Variants in ZBTB20 observed in about 807,000 individuals in gnomAD.
The protein encoded by ZBTB20 is zinc finger and BTB domain containing 20, also known as zinc finger and BTB domain-containing protein 20.
In ZBTB20, 9 loss-of-function variants were observed where a neutral mutation model predicts 56.9. The observed-to-expected ratio is 0.16, with a 90% CI of 0.10 to 0.28. ZBTB20 has a LOEUF of 0.28. Ranked by LOEUF, ZBTB20 falls within the 10% of genes least tolerant of loss-of-function variation. The probability of loss-of-function intolerance (pLI) is 1.00; values close to 1 mark genes in which losing one functional copy is unlikely to be tolerated. For synonymous variants in ZBTB20, 417 were observed against 420.7 expected (o/e 0.99, Z 0.11); for missense variants, 655 against 1,003.0 (o/e 0.65, Z 4.69).
Position 114,680,748 on chromosome 3 carries a change from C to G in ZBTB20, c.-295+12780G>C, listed in dbSNP as rs755490907. ...GAGAAATCTATTGTTTGACAATGATCGTTACTGAATCAAAAAACAGTGGGG... is the reference window on the plus strand; with the variant it reads ...GAGAAATCTATTGTTTGACAATGATGGTTACTGAATCAAAAAACAGTGGGG... On this transcript the variant is annotated intron_variant, in intron 6 of 11. Transcript: ENST00000675478. 2.6e-5 allele frequency among the ~76,000 whole-genome samples: 4 copies of G among 152,084 alleles called. No homozygotes were observed. In the East Asian group the frequency reaches 7.7e-4, roughly 29 times the overall value.
intron 5 of ZBTB20, among the ~76,000 whole-genome samples, chr3:114,794,940 T>C (rs1300564684): frequency 6.6e-6 from 1 of 152,008 alleles, no homozygotes; most frequent in East Asian, 1.9e-4. Context: ...GTTTAACAGA[T>C]AAAAAATACA....
intron 6 of ZBTB20, among the ~76,000 whole-genome samples, chr3:114,592,502 G>A (rs2055873907): frequency 6.6e-6 from 1 of 152,142 alleles, no homozygotes; most frequent in African/African-American, 2.4e-5. Context: ...CAAATAGTGA[G>A]TTTCCTTTTG....
At position 114,867,524 on chromosome 3, in the gene ZBTB20, C is replaced by T. The variant is rs141590701; in HGVS notation, c.-417+32780G>A. ...AATCTCGTCTCATTGCAACCTCCAC[C>T]TCCCAGATTCCAGCGATTCTCATGA... On this transcript the variant is annotated intron_variant, in intron 4 of 11. Coordinates refer to ENST00000675478, the MANE Select transcript of ZBTB20 (RefSeq NM_001348800.3). Among the ~76,000 whole-genome samples the T allele has an allele frequency of 3.9e-3, 594 of 152,288 alleles. 4 individuals carry two copies. Among genetic ancestry groups the T allele is most frequent in the African/African-American group, 0.011 (472 of 41,568 alleles).
At chr3:114,826,999 G>C (rs141446654) in intron 4 of ZBTB20, among the ~76,000 whole-genome samples, 1,749 of 151,708 alleles carry the variant, frequency 0.012, 16 homozygotes, top group South Asian at 0.042. Context: ...ATTTAGGTGC[G>C]TAAGGGTTTT....
chr3:114,666,687 C>A (rs1258544769), intron 6 of ZBTB20, among the ~76,000 whole-genome samples: 1 of 151,960 alleles, frequency 6.6e-6, no homozygotes, highest in Non-Finnish European at 1.5e-5. Flanking sequence ...AGAGAGGAAG[C>A]ATTTTTCTTT....
chr3:114,597,960 T>C (rs992028245), intron 6 of ZBTB20, among the ~76,000 whole-genome samples: 1 of 152,174 alleles, frequency 6.6e-6, no homozygotes, highest in Non-Finnish European at 1.5e-5. Flanking sequence ...TAAAGGCTTT[T>C]ATTTTGAAGA....
At chr3:115,076,771 C>A (rs2082612060) in intron 1 of ZBTB20, among the ~76,000 whole-genome samples, 2 of 152,118 alleles carry the variant, frequency 1.3e-5, no homozygotes, top group African/African-American at 4.8e-5. Flanking sequence ...TATCTACAAA[C>A]CTTATATCTC....
chr3:114,352,007 G>T, intron 10 of ZBTB20, 129 bp from the exon 11 acceptor site: 2 of 1,187,502 alleles, frequency 1.7e-6, no homozygotes, highest in Non-Finnish European at 1.2e-6. Context: ...TACGCAAGTG[G>T]GGAGATGGAC....
At chr3:114,635,987 T>A (rs2059245941) in intron 6 of ZBTB20, among the ~76,000 whole-genome samples, 2 of 152,066 alleles carry the variant, frequency 1.3e-5, no homozygotes, top group African/African-American at 4.8e-5. Flanking sequence ...CCCATTATAA[T>A]CCAATTGTCA....
At chr3:115,053,619 A>G (rs142244086) in intron 2 of ZBTB20, among the ~76,000 whole-genome samples, 23 of 152,270 alleles carry the variant, frequency 1.5e-4, no homozygotes, top group Admixed American at 4.6e-4. Context: ...GTGTATATTA[A>G]CTCACATTTA....
intron 7 of ZBTB20, among the ~76,000 whole-genome samples, chr3:114,440,848 A>G (rs1032713154): frequency 1.4e-4 from 21 of 152,182 alleles, no homozygotes; most frequent in African/African-American, 5.1e-4. Flanking sequence ...GACAAAAGCC[A>G]GAGCTTTCTG....
chr3:114,531,524 A>C (rs1167378250), intron 6 of ZBTB20, among the ~76,000 whole-genome samples: 3 of 152,232 alleles, frequency 2.0e-5, no homozygotes, highest in Non-Finnish European at 4.4e-5. Context: ...TATCAGCCTG[A>C]AGAGAACCAG....
In ZBTB20 at chr3:114,351,456, C is replaced by T; in HGVS notation, c.622G>A (p.Gly208Ser). 1 of 1,613,758 alleles carries T rather than the reference C, an allele frequency of 6.2e-7. No individual in the cohort carries two copies. The highest frequency in any genetic ancestry group is 8.5e-7 in the Non-Finnish European group (1 of 1,180,006). The part of the protein sequence containing the change: ...GDVFPGIQDS[G>S]QDTPRGTPES... ...GGAGTGCCCCGCGGCGTGTCCTGGC[C>T]CGAGTCCTGGATCCCCGGGAACACA... Residue 208 changes from glycine (G) to serine (S), a missense_variant, in exon 11 of 12, where the codon GGC (glycine) becomes AGC (serine). Gly to Ser is a moderately conservative substitution (Grantham distance 56). Coordinates refer to ENST00000675478, the MANE Select transcript of ZBTB20 (RefSeq NM_001348800.3).
intron 3 of ZBTB20, among the ~76,000 whole-genome samples, chr3:114,959,972 T>G (rs2107966447): frequency 6.6e-6 from 1 of 152,296 alleles, no homozygotes; most frequent in South Asian, 2.1e-4. Context: ...ATTGGCAATG[T>G]GGCCAAATTC....
At chr3:114,600,202 A>T (rs2056652648) in intron 6 of ZBTB20, among the ~76,000 whole-genome samples, 1 of 152,026 alleles carries the variant, frequency 6.6e-6, no homozygotes, top group Non-Finnish European at 1.5e-5. Flanking sequence ...TTCTGTTGTC[A>T]AATCAAAGAG....
At chr3:114,652,558 C>T (rs1050281468) in intron 6 of ZBTB20, among the ~76,000 whole-genome samples, 2 of 151,904 alleles carry the variant, frequency 1.3e-5, no homozygotes, top group Non-Finnish European at 1.5e-5. Flanking sequence ...ATATGCTTAA[C>T]CTTAGAAGAT....
chr3:114,351,176 T>C lies in ZBTB20; in HGVS notation c.902A>G (p.Tyr301Cys), dbSNP rs1462296734. The change falls in exon 11 of 12, where the codon TAC (tyrosine) becomes TGC (cysteine). Residue 301 changes from tyrosine to cysteine, a missense_variant. Physicochemically the swap from Tyr to Cys is radical, Grantham distance 194. Around this residue, in one of 10 missense-constraint regions of ZBTB20, gnomAD observed 167 missense variants for 281.9 expected, o/e 0.59. Transcript: ENST00000675478. ...IHERSQQMER[Y>C]LSTTPETTHC... ...CGTGGTCTCGGGGGTGGTGGACAGG[T>C]AGCGCTCCATCTGCTGCGAGCGCTC... 6.2e-7 allele frequency: 1 copy of C among 1,602,366 alleles called. No homozygotes were observed. The highest frequency in any genetic ancestry group is 2.2e-5 in the East Asian group (1 of 44,716).
chr3:114,967,601 A>G (rs930682558), intron 3 of ZBTB20, among the ~76,000 whole-genome samples: 16 of 152,156 alleles, frequency 1.1e-4, no homozygotes, highest in African/African-American at 2.7e-4. Context: ...GGGAAAAAAA[A>G]GGGGGGAAAG....
At chr3:114,341,561 T>C (rs2079769647) in intron 11 of ZBTB20, among the ~76,000 whole-genome samples, 1 of 152,214 alleles carries the variant, frequency 6.6e-6, no homozygotes, top group African/African-American at 2.4e-5. Context: ...CTTCTGTGTG[T>C]TTTTCCTCGA....
Sources: allele counts gnomAD v4.1 joint callset (sites outside exome capture counted in the v4.1 genomes callset), GRCh38; gene constraint gnomAD v4.1.1; regional missense constraint gnomAD v4.1.1; transcripts MANE v1.5; gene names NCBI Gene and HGNC (gene_info 2026-07-23, HGNC 2026-07-21).